The following DLGAP2 variants were observed in gnomAD, a reference collection of about 807,000 sequenced individuals.
DLGAP2 encodes DLG associated protein 2, also known as disks large-associated protein 2.
Under a neutral mutation model 100.3 loss-of-function variants are expected in DLGAP2, and 26 were observed. The ratio of observed to expected loss-of-function variants is 0.26; its 90% CI spans 0.19 to 0.36. The LOEUF (loss-of-function observed/expected upper bound fraction) is 0.36. Ranked by LOEUF, DLGAP2 falls within the 10% of genes least tolerant of loss-of-function variation. DLGAP2 has a pLI of 1.00. For missense variants in DLGAP2, 1,858 were observed against 1,453.2 expected, an observed-to-expected ratio of 1.28 and a Z score of -4.53; for synonymous variants, 886 against 630.1, an observed-to-expected ratio of 1.41 and a Z score of -6.08.
At chr8:857,907 G>A (rs901247325) in intron 1 of DLGAP2, among the ~76,000 whole-genome samples, 1 of 150,162 alleles carries the variant, frequency 6.7e-6, no homozygotes, top group Non-Finnish European at 1.5e-5. Context: ...CCTCGCTCTT[G>A]TTGCCCAGGC....
intron 1 of DLGAP2, chr8:738,674 G>GGGGCTGGGCGGGGCT: frequency 6.7e-6 from 1 of 149,184 alleles, no homozygotes. Context: ...GCGCCCAGGT[G>GGGGCTGGGCGGGGCT]GGGCTGGGCT....
intron 1 of DLGAP2, among the ~76,000 whole-genome samples, chr8:804,079 C>T (rs187125937): frequency 5.3e-4 from 81 of 152,280 alleles, no homozygotes; most frequent in African/African-American, 1.8e-3. Flanking sequence ...AAAGGCCTCT[C>T]TGTTGTAGGT....
intron 4 of DLGAP2, among the ~76,000 whole-genome samples, chr8:1,506,041 A>G (rs76589839): frequency 8.5e-5 from 13 of 152,332 alleles, no homozygotes; most frequent in Middle Eastern, 3.4e-3. Context: ...AAATACCTGA[A>G]TATTAAAATA....
intron 3 of DLGAP2, among the ~76,000 whole-genome samples, chr8:1,483,514 A>AGGCAGGTGC (rs1799157860): frequency 2.2e-4 from 31 of 139,698 alleles, no homozygotes; most frequent in African/African-American, 8.9e-4. Flanking sequence ...AGGACAAGGG[A>AGGCAGGTGC]AGGCTGAACT....
intron 2 of DLGAP2, among the ~76,000 whole-genome samples, chr8:1,145,173 T>C (rs1313098845): frequency 6.6e-6 from 1 of 152,060 alleles, no homozygotes; most frequent in Non-Finnish European, 1.5e-5. Context: ...GAAACACAAC[T>C]TTCCCCCCAG....
intron 2 of DLGAP2, among the ~76,000 whole-genome samples, chr8:1,214,787 T>C (rs1469799241): frequency 1.3e-5 from 2 of 152,248 alleles, no homozygotes; most frequent in African/African-American, 2.4e-5. Context: ...ATTGTTACTA[T>C]CAAGATTTTC....
chr8:1,495,725 C>T (rs939560126), intron 3 of DLGAP2, among the ~76,000 whole-genome samples: 2 of 152,172 alleles, frequency 1.3e-5, no homozygotes, highest in Non-Finnish European at 2.9e-5. Context: ...GCAGGCAGCT[C>T]CAGCTCGAGT....
intron 3 of DLGAP2, among the ~76,000 whole-genome samples, chr8:1,284,490 A>G (rs948702027): frequency 1.3e-5 from 2 of 152,178 alleles, no homozygotes; most frequent in African/African-American, 4.8e-5. Flanking sequence ...TTGCTGCATG[A>G]CAAGACCACA....
chr8:840,548 G>C (rs1269148082), intron 1 of DLGAP2, among the ~76,000 whole-genome samples: 2 of 66,370 alleles, frequency 3.0e-5, no homozygotes, highest in Admixed American at 3.3e-4. Context: ...CCCACACTCT[G>C]GATTCTGCGA....
intron 3 of DLGAP2, among the ~76,000 whole-genome samples, chr8:1,492,674 G>C (rs368344107): frequency 7.2e-5 from 11 of 152,316 alleles, no homozygotes; most frequent in African/African-American, 2.4e-4. Context: ...CCTCACAGCC[G>C]GAGGCAGAGG....
chr8:1,255,684 TGTGTGTGTGTCCTCTTCTGCCTGGGA>T (rs1799187258), intron 2 of DLGAP2, among the ~76,000 whole-genome samples: 1 of 135,080 alleles, frequency 7.4e-6, no homozygotes, highest in Non-Finnish European at 1.5e-5. Context: ...GCCTGGGAGC[TGTGTGTGTGTCCTCTTCTGCCTGGGA>T]GCTGTGTGTG....
chr8:1,354,526 G>C (rs904268458), intron 3 of DLGAP2, among the ~76,000 whole-genome samples: 1 of 152,122 alleles, frequency 6.6e-6, no homozygotes, highest in Admixed American at 6.6e-5. Flanking sequence ...AAAAAAGAAA[G>C]AACGAAAAGA....
At chr8:828,911 G>A (rs1301130089) in intron 1 of DLGAP2, among the ~76,000 whole-genome samples, 1 of 152,158 alleles carries the variant, frequency 6.6e-6, no homozygotes, top group Non-Finnish European at 1.5e-5. Flanking sequence ...ATATGTAATG[G>A]ATTCATGTTC....
chr8:1,668,484 G>C lies in DLGAP2; in HGVS notation c.1966G>C (p.Asp656His), dbSNP rs370770474. The change falls in exon 9 of 15, where the codon GAC (aspartate) becomes CAC (histidine). Residue 656 changes from aspartate to histidine, a missense_variant. Asp to His is a moderately conservative substitution (Grantham distance 81, BLOSUM62 -1). Coordinates refer to ENST00000637795, the MANE Select transcript of DLGAP2 (RefSeq NM_001346810.2). ...RAQRMSPWPQ[D>H]SRGLYNSTDS... ...ACAGAGGATGTCCCCGTGGCCCCAG[G>C]ACAGCCGCGGCCTCTACAACTCCAC... 1 of 1,593,166 alleles carries C rather than the reference G, an allele frequency of 6.3e-7. No individual in the cohort carries two copies. The highest frequency in any genetic ancestry group is 8.5e-7 in the Non-Finnish European group (1 of 1,170,948).
chr8:1,154,086 T>A (rs938790680), intron 2 of DLGAP2, among the ~76,000 whole-genome samples: 4 of 151,896 alleles, frequency 2.6e-5, no homozygotes, highest in Admixed American at 2.6e-4. Context: ...GAAAAAGAAA[T>A]AAGGAACTAA....
At chr8:753,680 C>T (rs1188917267) in intron 1 of DLGAP2, 5 of 152,298 alleles carry the variant, frequency 3.3e-5, no homozygotes, top group South Asian at 2.1e-4. Flanking sequence ...ATTCATCATT[C>T]GAATGCTGTG....
intron 1 of DLGAP2, among the ~76,000 whole-genome samples, chr8:903,617 G>A (rs576603940): frequency 6.6e-6 from 1 of 152,120 alleles, no homozygotes; most frequent in African/African-American, 2.4e-5. Flanking sequence ...CCTCCACTCT[G>A]TTCATGGGGC....
intron 2 of DLGAP2, among the ~76,000 whole-genome samples, chr8:969,137 CA>C (rs1270594482): frequency 2.0e-5 from 3 of 152,272 alleles, no homozygotes; most frequent in South Asian, 4.1e-4. Flanking sequence ...GACCTCTCCC[CA>C]GGGGGGATGG....
intron 1 of DLGAP2, among the ~76,000 whole-genome samples, chr8:803,154 T>C (rs953255178): frequency 2.6e-5 from 4 of 152,062 alleles, no homozygotes; most frequent in African/African-American, 7.2e-5. Context: ...TTTGTGTGTC[T>C]AGACTTTGGG....
Sources: allele counts gnomAD v4.1 joint callset (sites outside exome capture counted in the v4.1 genomes callset), GRCh38; gene constraint gnomAD v4.1.1; transcripts MANE v1.5; gene names NCBI Gene and HGNC (gene_info 2026-07-23, HGNC 2026-07-21).